The following NTRK2 variants were observed in gnomAD, a reference collection of about 807,000 sequenced individuals.
The protein encoded by NTRK2 is neurotrophic receptor tyrosine kinase 2.
In NTRK2, 13 loss-of-function variants were observed where a neutral mutation model predicts 94.5. That is an observed-to-expected ratio of 0.14 (90% CI 0.09 to 0.22). The LOEUF is 0.22. Among genes scored for constraint, NTRK2 ranks in the 10% least tolerant of loss-of-function variants. NTRK2 has a pLI of 1.00. For synonymous variants in NTRK2, 372 were observed against 407.4 expected, an observed-to-expected ratio of 0.91 and a Z score of 1.05; for missense variants, 639 against 1,071.2, an observed-to-expected ratio of 0.60 and a Z score of 5.63.
intron 12 of NTRK2, among the ~76,000 whole-genome samples, chr9:84,849,697 G>A (rs1375205903): frequency 6.6e-6 from 1 of 152,146 alleles, no homozygotes; most frequent in East Asian, 1.9e-4. Context: ...AAAATTCAGA[G>A]TGGGATGGAA....
chr9:84,715,949 A>C (rs1261313177), intron 6 of NTRK2, among the ~76,000 whole-genome samples: 1 of 152,136 alleles, frequency 6.6e-6, no homozygotes, highest in African/African-American at 2.4e-5. Flanking sequence ...CTTATCTGAG[A>C]GCTTCTTCAG....
At chr9:84,921,194 G>A (rs895886751) in intron 14 of NTRK2, among the ~76,000 whole-genome samples, 1 of 152,218 alleles carries the variant, frequency 6.6e-6, no homozygotes, top group Non-Finnish European at 1.5e-5. Context: ...CCCAATGGGT[G>A]GAGTAATTCT....
At chr9:84,887,896 A>G (rs1361085815) in intron 14 of NTRK2, among the ~76,000 whole-genome samples, 4 of 152,186 alleles carry the variant, frequency 2.6e-5, no homozygotes, top group Non-Finnish European at 5.9e-5. Context: ...GAGGTTGCAG[A>G]TTATTTTCTT....
intron 12 of NTRK2, chr9:84,811,593 T>G (rs1317082220): frequency 9.4e-7 from 1 of 1,065,406 alleles, no homozygotes. Flanking sequence ...GCTGGCCTGC[T>G]GTGAGCAGGA....
intron 14 of NTRK2, among the ~76,000 whole-genome samples, chr9:84,922,493 T>C (rs1477918870): frequency 4.7e-4 from 71 of 152,242 alleles, no homozygotes; most frequent in Non-Finnish European, 1.3e-4. Context: ...TCTCCATCTT[T>C]TGAGCAAAAG....
intron 12 of NTRK2, chr9:84,815,003 G>T: frequency 1.9e-6 from 2 of 1,059,772 alleles, no homozygotes; most frequent in African/African-American, 1.6e-5. Flanking sequence ...CTTTTGGACA[G>T]ACCATGAATT....
At chr9:84,905,587 G>A (rs745445896) in intron 14 of NTRK2, among the ~76,000 whole-genome samples, 2 of 152,120 alleles carry the variant, frequency 1.3e-5, no homozygotes, top group Non-Finnish European at 2.9e-5. Flanking sequence ...CCTTTGGAGA[G>A]AAAACATGAA....
intron 9 of NTRK2, among the ~76,000 whole-genome samples, chr9:84,728,626 A>G (rs1385720475): frequency 6.6e-6 from 1 of 152,054 alleles, no homozygotes; most frequent in Non-Finnish European, 1.5e-5. Context: ...TCATCCATGG[A>G]TGAGAAATTA....
intron 14 of NTRK2, among the ~76,000 whole-genome samples, chr9:84,904,816 G>T (rs2077026588): frequency 6.6e-6 from 1 of 152,150 alleles, no homozygotes; most frequent in Non-Finnish European, 1.5e-5. Context: ...GAAAAATACT[G>T]GGAAGCAATG....
intron 6 of NTRK2, among the ~76,000 whole-genome samples, chr9:84,719,428 G>GA (rs1217325283): frequency 2.6e-5 from 4 of 151,460 alleles, no homozygotes; most frequent in Middle Eastern, 3.4e-3. Context: ...GCTTGAGTTT[G>GA]AAAAAAAACC....
chr9:84,926,599 T>A (rs1428158844), intron 14 of NTRK2, among the ~76,000 whole-genome samples: 2 of 152,148 alleles, frequency 1.3e-5, no homozygotes, highest in Non-Finnish European at 2.9e-5. Context: ...GATAAATCAC[T>A]CTTTCCTAAA....
intron 12 of NTRK2, among the ~76,000 whole-genome samples, chr9:84,766,397 T>A (rs1265606479): frequency 1.3e-5 from 2 of 152,138 alleles, no homozygotes; most frequent in African/African-American, 4.8e-5. Context: ...GTTGTTTTGT[T>A]TTTTTATTCA....
chr9:84,988,056 C>G (rs1828550092), intron 17 of NTRK2, among the ~76,000 whole-genome samples: 1 of 152,186 alleles, frequency 6.6e-6, no homozygotes, highest in South Asian at 2.1e-4. Context: ...TAGTTCCACC[C>G]TAGGAGCACT....
intron 11 of NTRK2, among the ~76,000 whole-genome samples, chr9:84,746,377 C>T (rs2064072437): frequency 6.6e-6 from 1 of 152,146 alleles, no homozygotes; most frequent in Non-Finnish European, 1.5e-5. Context: ...ATACTTACTT[C>T]TGGCCCTTTA....
chr9:84,768,724 A>G (rs1432693167), intron 12 of NTRK2, among the ~76,000 whole-genome samples: 1 of 152,150 alleles, frequency 6.6e-6, no homozygotes, highest in African/African-American at 2.4e-5. Context: ...CAATATGGAA[A>G]AAGAGAGCTC....
intron 12 of NTRK2, among the ~76,000 whole-genome samples, chr9:84,756,131 T>C (rs1028320846): frequency 3.3e-5 from 5 of 152,212 alleles, no homozygotes; most frequent in African/African-American, 1.2e-4. Flanking sequence ...TCAATATCCC[T>C]ATATGAAAAT....
rs192923760 is a variant in NTRK2 at position 84,707,053 on chromosome 9, T to C, written c.360-791T>C. Among the ~76,000 whole-genome samples, 230 of 152,312 alleles carry C rather than the reference T, an allele frequency of 1.5e-3. 4 individuals are homozygous for C. The highest frequency in any genetic ancestry group is 7.7e-4 in the East Asian group (4 of 5,186). On this transcript the variant is annotated intron_variant, in intron 4 of 18. Coordinates refer to ENST00000277120, the MANE Select transcript of NTRK2 (RefSeq NM_006180.6). ...ACAGTAAACAAATTCGCAGAGTGAGTCGGCTGCCAGGGTTATGGCTCTGAG... is the reference window on the plus strand; with the variant it reads ...ACAGTAAACAAATTCGCAGAGTGAGCCGGCTGCCAGGGTTATGGCTCTGAG...
intron 2 of NTRK2, among the ~76,000 whole-genome samples, chr9:84,693,498 A>T (rs1341024710): frequency 1.3e-5 from 2 of 152,042 alleles, no homozygotes; most frequent in Non-Finnish European, 2.9e-5. Flanking sequence ...TATTTTGAAG[A>T]TTTTTTCTCA....
At chr9:84,920,224 C>T (rs1019586540) in intron 14 of NTRK2, among the ~76,000 whole-genome samples, 1 of 152,090 alleles carries the variant, frequency 6.6e-6, no homozygotes, top group Middle Eastern at 3.2e-3. Flanking sequence ...TTTCTCTTTA[C>T]AAATACTGTT....
Sources: allele counts gnomAD v4.1 joint callset (sites outside exome capture counted in the v4.1 genomes callset), GRCh38; gene constraint gnomAD v4.1.1; transcripts MANE v1.5; gene names NCBI Gene and HGNC (gene_info 2026-07-23, HGNC 2026-07-21).